ANKFN1: variants seen among roughly 807,000 people sequenced by gnomAD.
ANKFN1 encodes ankyrin repeat and fibronectin type-III domain-containing protein 1.
In ANKFN1, 74 loss-of-function variants were observed where a neutral mutation model predicts 108.7. The ratio of observed to expected loss-of-function variants is 0.68; its 90% CI spans 0.56 to 0.83. The LOEUF (loss-of-function observed/expected upper bound fraction) is 0.83, where lower values mean the gene tolerates loss of function less well. ANKFN1 is among the 40% of genes least tolerant of loss of function. ANKFN1 has a pLI of 0.00. For synonymous variants in ANKFN1, 547 were observed against 516.2 expected, an observed-to-expected ratio of 1.06 and a Z score of -0.81; for missense variants, 1,505 against 1,382.3, an observed-to-expected ratio of 1.09 and a Z score of -1.41.
intron 9 of ANKFN1, among the ~76,000 whole-genome samples, chr17:56,440,849 A>G (rs767728118): frequency 2.0e-5 from 3 of 152,066 alleles, no homozygotes; most frequent in African/African-American, 4.8e-5. Flanking sequence ...TTGCAGTCAC[A>G]TAATTTCCTG....
chr17:56,183,289 G>T (rs1175879414), intron 1 of ANKFN1, among the ~76,000 whole-genome samples: 1 of 152,104 alleles, frequency 6.6e-6, no homozygotes, highest in South Asian at 2.1e-4. Flanking sequence ...TTCTGGAAAG[G>T]ATTCATCATT....
chr17:56,193,048 T>C (rs1369559203), intron 1 of ANKFN1, among the ~76,000 whole-genome samples: 5 of 108,240 alleles, frequency 4.6e-5, no homozygotes, highest in Non-Finnish European at 8.8e-5. Flanking sequence ...GTGGCACATA[T>C]ACACCATGGA....
intron 3 of ANKFN1, among the ~76,000 whole-genome samples, chr17:56,236,748 G>C (rs1917185058): frequency 6.6e-6 from 1 of 152,102 alleles, no homozygotes; most frequent in Non-Finnish European, 1.5e-5. Context: ...AAAAGTAACT[G>C]TGGCTTTTAC....
At chr17:56,361,208 T>A (rs2046507720) in intron 6 of ANKFN1, among the ~76,000 whole-genome samples, 1 of 152,140 alleles carries the variant, frequency 6.6e-6, no homozygotes, top group Admixed American at 6.5e-5. Flanking sequence ...ACATAGAATA[T>A]CTTCTCCTTG....
chr17:56,332,979 G>GCATATATATATATA (rs2045705290), intron 4 of ANKFN1, among the ~76,000 whole-genome samples: 3 of 147,744 alleles, frequency 2.0e-5, no homozygotes, highest in African/African-American at 7.6e-5. Flanking sequence ...ATATATGTGT[G>GCATATATATATATA]TATATATATA....
At position 56,049,661 on chromosome 17, in the gene ANKFN1, G is replaced by A. The variant is rs542217621; in HGVS notation, c.288+3336G>A. ...GCAGTGTTTGGTTTTTTGTTCTTGC[G>A]ATAGTTTACCGAGAATGATGATTTC... On this transcript the variant is annotated intron_variant, in intron 4 of 12. Coordinates refer to the ANKFN1 transcript ENST00000635860. Among the ~76,000 whole-genome samples, 20 of 150,392 alleles carry A rather than the reference G, an allele frequency of 1.3e-4. No individual in the cohort carries two copies. The South Asian group carries it at 1.7e-3, about 13-fold the overall frequency.
intron 4 of ANKFN1, among the ~76,000 whole-genome samples, chr17:56,328,167 C>T (rs1039145015): frequency 3.3e-5 from 5 of 152,136 alleles, no homozygotes; most frequent in Non-Finnish European, 5.9e-5. Flanking sequence ...TATTTTGAAA[C>T]AAACATGGAA....
intron 5 of ANKFN1, among the ~76,000 whole-genome samples, chr17:56,353,017 C>T (rs1222046343): frequency 6.6e-6 from 1 of 152,096 alleles, no homozygotes; most frequent in Non-Finnish European, 1.5e-5. Flanking sequence ...CTAGCCATAA[C>T]TGCTACCTGT....
At chr17:56,496,473 C>T (rs760349839) in intron 19 of ANKFN1, among the ~76,000 whole-genome samples, 1 of 152,102 alleles carries the variant, frequency 6.6e-6, no homozygotes, top group Non-Finnish European at 1.5e-5. Flanking sequence ...GTTGGCAAGG[C>T]CACACTCCCT....
intron 4 of ANKFN1, among the ~76,000 whole-genome samples, chr17:56,348,488 A>C (rs1022255502): frequency 4.6e-5 from 7 of 152,130 alleles, no homozygotes; most frequent in South Asian, 2.1e-4. Flanking sequence ...AGAATGGGCA[A>C]AATATTTGCA....
At chr17:56,208,765 T>C (rs1914731246) in intron 1 of ANKFN1, among the ~76,000 whole-genome samples, 1 of 152,156 alleles carries the variant, frequency 6.6e-6, no homozygotes, top group South Asian at 2.1e-4. Flanking sequence ...GCTTTAAGAG[T>C]ACATCTCCTA....
At chr17:56,053,058 C>T (rs982812579) in intron 4 of ANKFN1, among the ~76,000 whole-genome samples, 4 of 152,058 alleles carry the variant, frequency 2.6e-5, no homozygotes, top group Non-Finnish European at 5.9e-5. Flanking sequence ...ATAATAATAA[C>T]AGTAATGATG....
intron 8 of ANKFN1, among the ~76,000 whole-genome samples, chr17:56,392,566 G>A (rs1256004744): frequency 6.6e-6 from 1 of 152,100 alleles, no homozygotes; most frequent in Non-Finnish European, 1.5e-5. Context: ...TTTAAAATCA[G>A]GTGGGCTGAG....
chr17:56,449,006 C>T (rs1184772042), intron 10 of ANKFN1, 73 bp from the exon 11 acceptor site: 8 of 1,326,776 alleles, frequency 6.0e-6, no homozygotes, highest in Non-Finnish European at 8.6e-6. Context: ...AAAACTCCGG[C>T]TCCTGACGCA....
chr17:56,184,047 A>G (rs1466537984), intron 1 of ANKFN1, among the ~76,000 whole-genome samples: 1 of 152,216 alleles, frequency 6.6e-6, no homozygotes, highest in African/African-American at 2.4e-5. Flanking sequence ...TGTTGAAGTG[A>G]CAATAAAGGA....
At chr17:56,050,262 G>A (rs1904752152) in intron 4 of ANKFN1, among the ~76,000 whole-genome samples, 1 of 149,386 alleles carries the variant, frequency 6.7e-6, no homozygotes, top group African/African-American at 2.5e-5. Flanking sequence ...TTGTAAATTT[G>A]TTGGAGTTCA....
intron 2 of ANKFN1, among the ~76,000 whole-genome samples, chr17:56,213,799 C>G (rs984359650): frequency 6.6e-6 from 1 of 152,194 alleles, no homozygotes; most frequent in Admixed American, 6.5e-5. Context: ...AAGCACATGG[C>G]TATTTAATAT....
At chr17:56,273,024 T>G (rs1408773685) in intron 3 of ANKFN1, among the ~76,000 whole-genome samples, 1 of 152,212 alleles carries the variant, frequency 6.6e-6, no homozygotes, top group Non-Finnish European at 1.5e-5. Context: ...TAGTGCATCT[T>G]AACACCCTAA....
chr17:56,151,282 T>C (rs565850249), upstream of ANKFN1, among the ~76,000 whole-genome samples: 4 of 152,312 alleles, frequency 2.6e-5, no homozygotes, highest in East Asian at 7.7e-4. Flanking sequence ...CTTCCCCTGG[T>C]TAGTGCTGTC....
Sources: allele counts gnomAD v4.1 joint callset (sites outside exome capture counted in the v4.1 genomes callset), GRCh38; gene constraint gnomAD v4.1.1; transcripts MANE v1.5; gene names NCBI Gene and HGNC (gene_info 2026-07-23, HGNC 2026-07-21).